The following LYZL1 variants were observed in gnomAD, a reference collection of about 807,000 sequenced individuals.
LYZL1 encodes lysozyme like 1.
Under a neutral mutation model 17.9 loss-of-function variants are expected in LYZL1, and 16 were observed. That is an observed-to-expected ratio of 0.90 (90% CI 0.61 to 1.36). LYZL1 has a LOEUF of 1.36. Among genes scored for constraint, LYZL1 ranks in the 40% most tolerant of loss-of-function variants. The probability of loss-of-function intolerance (pLI) is 0.00; values close to 1 mark genes in which losing one functional copy is unlikely to be tolerated. For missense variants in LYZL1, 149 were observed against 188.4 expected, an observed-to-expected ratio of 0.79 and a Z score of 1.22; for synonymous variants, 58 against 71.8, an observed-to-expected ratio of 0.81 and a Z score of 0.97.
chr10:29,309,245 C>A (rs765054771), intron 3 of LYZL1, among the ~76,000 whole-genome samples: 26 of 151,998 alleles, frequency 1.7e-4, no homozygotes, highest in Non-Finnish European at 3.7e-4. Flanking sequence ...AGGAGAATTG[C>A]TTGAAGCCAG....
At chr10:29,309,276 C>T (rs1835638183) in intron 3 of LYZL1, among the ~76,000 whole-genome samples, 1 of 152,032 alleles carries the variant, frequency 6.6e-6, no homozygotes, top group Non-Finnish European at 1.5e-5. Context: ...CTGCAGTGAG[C>T]CGAGACTATG....
At chr10:29,305,902 A>C (rs1218445082) in intron 3 of LYZL1, among the ~76,000 whole-genome samples, 3 of 152,228 alleles carry the variant, frequency 2.0e-5, no homozygotes, top group Non-Finnish European at 4.4e-5. Flanking sequence ...TCGAGGGAAA[A>C]TTCCACTTCC....
chr10:29,303,992 C>G (rs962875981), intron 3 of LYZL1, among the ~76,000 whole-genome samples: 3 of 152,184 alleles, frequency 2.0e-5, no homozygotes, highest in Admixed American at 2.0e-4. Flanking sequence ...AACTCCTGGG[C>G]TCAAGCGATC....
chr10:29,303,089 T>C (rs10826604), intron 3 of LYZL1, among the ~76,000 whole-genome samples: 59,458 of 151,952 alleles, frequency 0.39, 11,972 homozygotes, highest in African/African-American at 0.5. Context: ...AATTGCCCTG[T>C]TCCCTGGGGT....
At chr10:29,293,713 C>T (rs1358585896) in intron 3 of LYZL1, among the ~76,000 whole-genome samples, 1 of 152,124 alleles carries the variant, frequency 6.6e-6, no homozygotes, top group Non-Finnish European at 1.5e-5. Context: ...TGGCTCATGC[C>T]TGTAATCCCA....
chr10:29,290,375 C>T (rs1175381232), intron 1 of LYZL1, among the ~76,000 whole-genome samples: 2 of 152,176 alleles, frequency 1.3e-5, no homozygotes, highest in Non-Finnish European at 2.9e-5. Flanking sequence ...TCAGATGATT[C>T]CGCAGGGGTC....
chr10:29,312,734 G>A (rs1298386800), downstream of LYZL1, among the ~76,000 whole-genome samples: 1 of 152,132 alleles, frequency 6.6e-6, no homozygotes, highest in East Asian at 1.9e-4. Context: ...CTCCCATGGC[G>A]GGGTGGTTCT....
exon 5 of LYZL1, chr10:29,318,235 G>A: frequency 1.0e-6 from 1 of 970,030 alleles, no homozygotes; most frequent in Non-Finnish European, 1.2e-6. Flanking sequence ...CACAACCCCA[G>A]TGGCAACATA....
chr10:29,308,713 A>T (rs574263187), intron 3 of LYZL1, among the ~76,000 whole-genome samples: 1 of 152,338 alleles, frequency 6.6e-6, no homozygotes, highest in African/African-American at 2.4e-5. Context: ...TAGTATCAGC[A>T]CTTTGGGAGC....
downstream of LYZL1, among the ~76,000 whole-genome samples, chr10:29,313,390 G>A (rs1258650218): frequency 6.6e-6 from 1 of 152,114 alleles, no homozygotes; most frequent in Non-Finnish European, 1.5e-5. Context: ...CCAAATTTCT[G>A]CTTCATTAAA....
At position 29,297,122 on chromosome 10, in the gene LYZL1, A is replaced by T. The variant is rs186632006; in HGVS notation, c.298+4445A>T. Among the ~76,000 whole-genome samples, 6 of 152,074 alleles carry T rather than the reference A, an allele frequency of 3.9e-5. No homozygotes were observed. The East Asian group carries it at 1.2e-3, about 29-fold the overall frequency. On this transcript the variant is annotated intron_variant, in intron 3 of 4. Coordinates refer to ENST00000649382, the MANE Select transcript of LYZL1 (RefSeq NM_032517.6). ...AAAGAGAGAAAAAGGAAACATTCAG[A>T]TAACCAAATAAAGAACCTTTGGAAA...
rs377001727 is a variant in LYZL1, at chr10:29,289,174, C to T, written c.-82C>T. 2.3e-4 allele frequency: 368 copies of T among 1,605,094 alleles called. 3 individuals carry two copies. The highest frequency in any genetic ancestry group is 9.8e-4 in the South Asian group (88 of 89,724). On this transcript the variant is annotated 5_prime_UTR_variant, in exon 1 of 5. Transcript: ENST00000649382. ...CGACTAAGTGGAGCAGTGTTTCTTC[C>T]GCAGACTCAACTGAGAAGTCAGCCT... is the stretch of plus-strand genomic sequence containing the variant.
At chr10:29,290,702 G>C (rs1835350923) in intron 1 of LYZL1, among the ~76,000 whole-genome samples, 1 of 152,012 alleles carries the variant, frequency 6.6e-6, no homozygotes, top group Non-Finnish European at 1.5e-5. Context: ...AGCCAGGTGT[G>C]GTGGTGGGCG....
chr10:29,297,488 A>T (rs933129008), intron 3 of LYZL1, among the ~76,000 whole-genome samples: 3 of 152,198 alleles, frequency 2.0e-5, no homozygotes, highest in African/African-American at 7.2e-5. Context: ...TTAAATAGAA[A>T]ATTCCAGAAA....
intron 4 of LYZL1, among the ~76,000 whole-genome samples, chr10:29,310,637 G>T (rs1300872362): frequency 6.6e-6 from 1 of 152,208 alleles, no homozygotes; most frequent in Non-Finnish European, 1.5e-5. Flanking sequence ...TCAGCAGAAA[G>T]CGTCCCCAGC....
chr10:29,298,665 G>C (rs577667536), intron 3 of LYZL1, among the ~76,000 whole-genome samples: 14 of 152,272 alleles, frequency 9.2e-5, no homozygotes, highest in African/African-American at 3.4e-4. Flanking sequence ...GGAAACAAGG[G>C]ACTCGATGAG....
intron 3 of LYZL1, among the ~76,000 whole-genome samples, chr10:29,293,423 A>G (rs1332632841): frequency 6.6e-6 from 1 of 152,112 alleles, no homozygotes; most frequent in Non-Finnish European, 1.5e-5. Context: ...GGTGTGGGCC[A>G]GTATATTTAG....
downstream of LYZL1, among the ~76,000 whole-genome samples, chr10:29,312,079 T>C (rs1462125109): frequency 6.6e-6 from 1 of 152,194 alleles, no homozygotes; most frequent in Non-Finnish European, 1.5e-5. Flanking sequence ...GTAGGAGGAC[T>C]GTTTAAGGCC....
intron 1 of LYZL1, among the ~76,000 whole-genome samples, chr10:29,290,664 C>T (rs1391922686): frequency 4.6e-5 from 7 of 152,044 alleles, no homozygotes; most frequent in Admixed American, 4.6e-4. Context: ...CAGTGTGAAA[C>T]CTCATCTATA....
Sources: allele counts gnomAD v4.1 joint callset (sites outside exome capture counted in the v4.1 genomes callset), GRCh38; gene constraint gnomAD v4.1.1; transcripts MANE v1.5; gene names NCBI Gene and HGNC (gene_info 2026-07-23, HGNC 2026-07-21).